The following DEPTOR variants were observed in gnomAD, a reference collection of about 807,000 sequenced individuals.
DEPTOR encodes the protein DEP domain containing MTOR interacting protein.
DEPTOR carries 41 observed loss-of-function variants against 41.6 expected under a neutral mutation model. The ratio of observed to expected loss-of-function variants is 0.98; its 90% CI spans 0.77 to 1.28. DEPTOR has a LOEUF of 1.28. DEPTOR is among the 50% of genes most tolerant of loss of function. The probability of loss-of-function intolerance (pLI) is 0.00; values close to 1 mark genes in which losing one functional copy is unlikely to be tolerated. For missense variants in DEPTOR, 514 were observed against 527.9 expected, an observed-to-expected ratio of 0.97 and a Z score of 0.26; for synonymous variants, 195 against 192.3, an observed-to-expected ratio of 1.01 and a Z score of -0.12.
Position 120,034,838 on chromosome 8 carries a change from G to A in DEPTOR, c.1102-14738G>A, listed in dbSNP as rs557274050. Among the ~76,000 whole-genome samples, 55 of 151,776 alleles carry A rather than the reference G, an allele frequency of 3.6e-4. 1 individual carries two copies. The East Asian group carries it at 9.5e-3, about 26-fold the overall frequency. On this transcript the variant is annotated intron_variant, in intron 8 of 8. Transcript: ENST00000286234. ...TAATTTTGCCTTTTTGGCATAATCC[G>A]GAAAAAAGAAAAATAATTTCTGGGT...
intron 8 of DEPTOR, among the ~76,000 whole-genome samples, chr8:120,021,995 C>G (rs1207017057): frequency 6.6e-6 from 1 of 151,962 alleles, no homozygotes; most frequent in East Asian, 1.9e-4. Flanking sequence ...AAAAAGTTAG[C>G]CAGACTTGGT....
chr8:119,993,178 CTT>C (rs901127680), intron 4 of DEPTOR, among the ~76,000 whole-genome samples: 2 of 152,134 alleles, frequency 1.3e-5, no homozygotes, highest in African/African-American at 4.8e-5. Context: ...TACCATGTCA[CTT>C]TATTATTTTG....
At chr8:119,933,856 AT>A (rs1000196015) in intron 3 of DEPTOR, among the ~76,000 whole-genome samples, 4 of 151,948 alleles carry the variant, frequency 2.6e-5, no homozygotes, top group Non-Finnish European at 5.9e-5. Context: ...AACCATGTTG[AT>A]TTTTGGGAAC....
chr8:119,948,442 A>G (rs1177892828), intron 3 of DEPTOR, among the ~76,000 whole-genome samples: 1 of 152,012 alleles, frequency 6.6e-6, no homozygotes, highest in African/African-American at 2.4e-5. Context: ...AAAAACTAAA[A>G]TAAAAATAAG....
intron 4 of DEPTOR, among the ~76,000 whole-genome samples, chr8:119,967,475 G>A (rs1828577434): frequency 6.6e-6 from 1 of 151,616 alleles, no homozygotes; most frequent in African/African-American, 2.4e-5. Context: ...GAAAGTTAGA[G>A]TAATATTTTA....
At chr8:120,021,614 G>A (rs1812716482) in intron 8 of DEPTOR, among the ~76,000 whole-genome samples, 1 of 152,188 alleles carries the variant, frequency 6.6e-6, no homozygotes, top group Non-Finnish European at 1.5e-5. Flanking sequence ...GGGGATAACA[G>A]AGGGAGAGAG....
chr8:120,030,386 G>A (rs1244002967), intron 8 of DEPTOR, among the ~76,000 whole-genome samples: 1 of 151,700 alleles, frequency 6.6e-6, no homozygotes. Context: ...TATAATGGTG[G>A]GTACCGGTCA....
chr8:119,985,264 G>T (rs966757209), intron 4 of DEPTOR, among the ~76,000 whole-genome samples: 1 of 152,066 alleles, frequency 6.6e-6, no homozygotes, highest in Non-Finnish European at 1.5e-5. Context: ...GGCATGAGAT[G>T]GTATCTCATT....
intron 1 of DEPTOR, among the ~76,000 whole-genome samples, chr8:119,877,546 G>C (rs1459966051): frequency 6.6e-6 from 1 of 152,204 alleles, no homozygotes; most frequent in East Asian, 1.9e-4. Context: ...CACACTCTCA[G>C]TTCCCCTCTG....
chr8:119,970,153 G>A (rs1828614456), intron 4 of DEPTOR, among the ~76,000 whole-genome samples: 1 of 152,140 alleles, frequency 6.6e-6, no homozygotes, highest in South Asian at 2.1e-4. Context: ...ACAAATGTCT[G>A]TATGTTGACC....
intron 1 of DEPTOR, among the ~76,000 whole-genome samples, chr8:119,904,735 A>G (rs1827640084): frequency 6.6e-6 from 1 of 151,772 alleles, no homozygotes; most frequent in Non-Finnish European, 1.5e-5. Context: ...ACCTCAGGTG[A>G]TCCACCTACC....
chr8:120,029,293 A>C (rs1413857295), intron 8 of DEPTOR, among the ~76,000 whole-genome samples: 2 of 152,152 alleles, frequency 1.3e-5, no homozygotes, highest in Non-Finnish European at 1.5e-5. Context: ...ACATTTTTTT[A>C]AAGAATAGGA....
At chr8:119,930,747 C>T (rs112879530) in intron 3 of DEPTOR, among the ~76,000 whole-genome samples, 5 of 152,088 alleles carry the variant, frequency 3.3e-5, no homozygotes, top group African/African-American at 9.6e-5. Flanking sequence ...TGGTGGGTCT[C>T]GAATCTTCTG....
chr8:119,890,542 A>T (rs1182443200), intron 1 of DEPTOR, among the ~76,000 whole-genome samples: 1 of 152,080 alleles, frequency 6.6e-6, no homozygotes, highest in African/African-American at 2.4e-5. Flanking sequence ...ACTTCAGGTG[A>T]TCCACCCACC....
intron 3 of DEPTOR, among the ~76,000 whole-genome samples, chr8:119,947,673 C>T (rs530942392): frequency 7.9e-5 from 12 of 152,266 alleles, no homozygotes; most frequent in Non-Finnish European, 1.0e-4. Context: ...TAGCACAGGG[C>T]GGCGTATCCA....
chr8:119,937,669 C>CAGATTTTTTTGTGGA (rs1294592144), intron 3 of DEPTOR, among the ~76,000 whole-genome samples: 9 of 152,156 alleles, frequency 5.9e-5, no homozygotes, highest in Admixed American at 5.9e-4. Flanking sequence ...CACAAGTTTG[C>CAGATTTTTTTGTGGA]TGCCACCATT....
intron 1 of DEPTOR, among the ~76,000 whole-genome samples, chr8:119,920,537 A>G (rs914262865): frequency 9.9e-5 from 15 of 152,208 alleles, no homozygotes; most frequent in African/African-American, 3.4e-4. Flanking sequence ...TGAAGGCAGG[A>G]AGAAGGAGCA....
chr8:119,966,228 G>GCTGAGGTGGGTGGATCAC lies in DEPTOR; in HGVS notation c.604+827_604+844dup, dbSNP rs536132810. Reference sequence around the variant, plus strand: ...ACTTGTCATCCCAGCACTTTGGGAGGCTGAGGTGGGTGGATCACCTGAGGT... The same window carrying GCTGAGGTGGGTGGATCAC: ...ACTTGTCATCCCAGCACTTTGGGAGGCTGAGGTGGGTGGATCACCTGAGGTGGGTGGATCACCTGAGGT... On this transcript the variant is annotated intron_variant, in intron 4 of 8. Transcript: ENST00000286234. Among the ~76,000 whole-genome samples, 15 of 152,304 alleles carry GCTGAGGTGGGTGGATCAC rather than the reference G, an allele frequency of 9.8e-5. No individual in the cohort carries two copies. In the South Asian group the frequency reaches 2.9e-3, roughly 29 times the overall value.
chr8:119,994,730 G>A (rs1812230446), intron 4 of DEPTOR, among the ~76,000 whole-genome samples: 1 of 151,776 alleles, frequency 6.6e-6, no homozygotes, highest in Admixed American at 6.6e-5. Flanking sequence ...AGCCTGGCCA[G>A]CATGGTGAAA....
Sources: gnomAD v4.1 joint callset for allele counts (sites outside exome capture counted in the v4.1 genomes callset) on GRCh38, gnomAD v4.1.1 for gene constraint, MANE v1.5 for transcripts, NCBI Gene and HGNC (gene_info 2026-07-23, HGNC 2026-07-21) for gene names.